BBX: variants seen among roughly 807,000 people sequenced by gnomAD.
The protein encoded by BBX is BBX high mobility group box domain containing.
In BBX, 30 loss-of-function variants were observed where a neutral mutation model predicts 100.2. The ratio of observed to expected loss-of-function variants is 0.30; its 90% CI spans 0.22 to 0.41. BBX has a LOEUF of 0.41. Ranked by LOEUF, BBX falls within the 10% of genes least tolerant of loss-of-function variation. BBX has a pLI of 1.00. For synonymous variants in BBX, 376 were observed against 388.1 expected (o/e 0.97, Z 0.37); for missense variants, 1,023 against 1,129.8 (o/e 0.91, Z 1.35).
At position 107,759,980 on chromosome 3, in the gene BBX, T is replaced by C. The variant is rs2065767149; in HGVS notation, c.906+4302T>C. ...CTAAGATGATAATGACTGGCATTTA[T>C]TATCTGCTGTGTGTTAGGCACTAAG... On this transcript the variant is annotated intron_variant, in intron 10 of 17. Coordinates refer to ENST00000325805, the MANE Select transcript of BBX (RefSeq NM_001142568.3). Among the ~76,000 whole-genome samples, 6 of 152,344 alleles carry C rather than the reference T, an allele frequency of 3.9e-5. No homozygotes were observed. The South Asian group carries it at 1.2e-3, about 32-fold the overall frequency.
At chr3:107,523,830 C>T (rs1288270742) in intron 1 of BBX, among the ~76,000 whole-genome samples, 1 of 152,066 alleles carries the variant, frequency 6.6e-6, no homozygotes, top group South Asian at 2.1e-4. Flanking sequence ...TTTGGGTGTT[C>T]CGGCCCCGCA....
At chr3:107,719,172 C>G (rs1425266075) in intron 5 of BBX, among the ~76,000 whole-genome samples, 1 of 151,898 alleles carries the variant, frequency 6.6e-6, no homozygotes, top group Admixed American at 6.6e-5. Context: ...TCAAGGCTCC[C>G]CCAACACACA....
intron 2 of BBX, among the ~76,000 whole-genome samples, chr3:107,573,905 C>A (rs550076415): frequency 6.6e-6 from 1 of 152,048 alleles, no homozygotes; most frequent in African/African-American, 2.4e-5. Context: ...TTTGTATTAG[C>A]CGGGAGACCG....
intron 2 of BBX, among the ~76,000 whole-genome samples, chr3:107,636,387 A>G (rs923730028): frequency 6.6e-5 from 10 of 152,210 alleles, no homozygotes; most frequent in African/African-American, 2.4e-4. Context: ...ACATGTCTAT[A>G]ATTTGCTGCT....
intron 2 of BBX, among the ~76,000 whole-genome samples, chr3:107,563,213 ATTGT>A (rs1431673709): frequency 1.3e-5 from 2 of 152,046 alleles, no homozygotes; most frequent in Admixed American, 1.3e-4. Flanking sequence ...TCAGGGCCTG[ATTGT>A]TTGTGGCCTC....
intron 2 of BBX, among the ~76,000 whole-genome samples, chr3:107,627,067 A>G (rs548808177): frequency 1.3e-5 from 2 of 152,256 alleles, no homozygotes; most frequent in East Asian, 3.9e-4. Context: ...AATTCTTACT[A>G]TCATTTCTTC....
intron 9 of BBX, among the ~76,000 whole-genome samples, chr3:107,750,583 A>G (rs938423040): frequency 3.9e-5 from 6 of 152,178 alleles, no homozygotes; most frequent in Non-Finnish European, 8.8e-5. Context: ...TTCTCAAAGG[A>G]TACATAACCT....
intron 2 of BBX, among the ~76,000 whole-genome samples, chr3:107,583,947 TTATTATATTATATA>T (rs2052483921): frequency 1.1e-5 from 1 of 93,552 alleles, no homozygotes; most frequent in Admixed American, 1.4e-4. Flanking sequence ...ATTATATATA[TTATTATATTATATA>T]TATTATATAT....
intron 8 of BBX, 146 bp from the exon 9 acceptor site, chr3:107,747,819 T>C (rs2064749978): frequency 1.7e-6 from 1 of 587,018 alleles, no homozygotes; most frequent in Admixed American, 3.3e-5. Flanking sequence ...TCCCTTATCA[T>C]TTATACTGCT....
intron 10 of BBX, among the ~76,000 whole-genome samples, chr3:107,756,141 A>C (rs2065456257): frequency 6.6e-6 from 1 of 152,068 alleles, no homozygotes. Flanking sequence ...TGTACATTTG[A>C]TGTGATGTGT....
chr3:107,566,191 A>G (rs1000498965), intron 2 of BBX, among the ~76,000 whole-genome samples: 24 of 150,600 alleles, frequency 1.6e-4, no homozygotes, highest in South Asian at 1.3e-3. Flanking sequence ...AAAAAAAAAA[A>G]AAAAAAAAAA....
At chr3:107,538,638 C>T (rs2048667819) in intron 2 of BBX, among the ~76,000 whole-genome samples, 1 of 151,932 alleles carries the variant, frequency 6.6e-6, no homozygotes, top group Non-Finnish European at 1.5e-5. Context: ...TTTAATTGAT[C>T]TTCAATTAGC....
chr3:107,703,442 C>T (rs1222559796), intron 3 of BBX, among the ~76,000 whole-genome samples: 3 of 152,092 alleles, frequency 2.0e-5, no homozygotes. Flanking sequence ...GTTAAGCTGT[C>T]CCAAGGCTAA....
chr3:107,744,781 G>T, intron 8 of BBX, 71 bp downstream of exon 8: 1 of 1,216,602 alleles, frequency 8.2e-7, no homozygotes, highest in Non-Finnish European at 1.2e-6. Flanking sequence ...GCTGATAACA[G>T]TAACTGAAAG....
At chr3:107,611,821 C>G (rs2054870698) in intron 2 of BBX, among the ~76,000 whole-genome samples, 1 of 152,082 alleles carries the variant, frequency 6.6e-6, no homozygotes, top group South Asian at 2.1e-4. Flanking sequence ...AATAAACTTT[C>G]TACCCCTCTC....
At chr3:107,543,597 TTCCCTGTG>T (rs1319277455) in intron 2 of BBX, among the ~76,000 whole-genome samples, 1 of 152,250 alleles carries the variant, frequency 6.6e-6, no homozygotes, top group Admixed American at 6.5e-5. Flanking sequence ...TTCAGTTTAG[TTCCCTGTG>T]TCCTGTGAAA....
intron 10 of BBX, among the ~76,000 whole-genome samples, chr3:107,762,841 C>G (rs759252653): frequency 6.6e-6 from 1 of 152,092 alleles, no homozygotes; most frequent in Non-Finnish European, 1.5e-5. Flanking sequence ...GGTTGAGCAT[C>G]TCTAATTTGA....
chr3:107,552,640 A>C (rs2049792448), intron 2 of BBX, among the ~76,000 whole-genome samples: 1 of 152,208 alleles, frequency 6.6e-6, no homozygotes, highest in East Asian at 1.9e-4. Context: ...GACTTCTCTA[A>C]ATCATTGTTG....
intron 11 of BBX, 80 bp from the exon 12 acceptor site, chr3:107,774,639 G>T (rs2067179735): frequency 6.9e-6 from 10 of 1,446,762 alleles, no homozygotes; most frequent in Non-Finnish European, 9.4e-6. Flanking sequence ...GCAGTCAAGA[G>T]GTTGCTCGTG....
Sources: allele counts gnomAD v4.1 joint callset (sites outside exome capture counted in the v4.1 genomes callset), GRCh38; gene constraint gnomAD v4.1.1; transcripts MANE v1.5; gene names NCBI Gene and HGNC (gene_info 2026-07-23, HGNC 2026-07-21).